Variants in CWC27 observed in about 807,000 individuals in gnomAD.
CWC27 encodes the protein CWC27 spliceosome associated cyclophilin.
Under a neutral mutation model 63.6 loss-of-function variants are expected in CWC27, and 47 were observed. The ratio of observed to expected loss-of-function variants is 0.74; its 90% CI spans 0.58 to 0.94. The LOEUF (loss-of-function observed/expected upper bound fraction) is 0.94. Among genes scored for constraint, CWC27 ranks in the 40% least tolerant of loss-of-function variants. The pLI, the probability that CWC27 is intolerant of heterozygous loss-of-function variation, is 0.00. For synonymous variants in CWC27, 175 were observed against 179.8 expected (o/e 0.97, Z 0.22); for missense variants, 495 against 554.3 (o/e 0.89, Z 1.07).
At chr5:64,899,162 A>G (rs1747447376) in intron 11 of CWC27, among the ~76,000 whole-genome samples, 1 of 152,308 alleles carries the variant, frequency 6.6e-6, no homozygotes, top group South Asian at 2.1e-4. Context: ...ATTCTGTTAT[A>G]TAATATGAAC....
chr5:64,981,699 A>G (rs929494714), intron 13 of CWC27, among the ~76,000 whole-genome samples: 5 of 152,262 alleles, frequency 3.3e-5, no homozygotes, highest in African/African-American at 1.2e-4. Context: ...GAATTAATTA[A>G]GAATCCTTAA....
chr5:64,912,073 C>CAA (rs1253684440), intron 11 of CWC27, among the ~76,000 whole-genome samples: 97 of 83,452 alleles, frequency 1.2e-3, no homozygotes, highest in African/African-American at 2.9e-3. Context: ...GACTCTGTCT[C>CAA]AAAAAAAAAA....
intron 13 of CWC27, among the ~76,000 whole-genome samples, chr5:64,995,215 G>A (rs780287469): frequency 1.3e-5 from 2 of 151,922 alleles, no homozygotes; most frequent in Non-Finnish European, 2.9e-5. Flanking sequence ...CGAGCGATCC[G>A]CCCACGTCAG....
chr5:64,923,983 T>C (rs1397923827), intron 11 of CWC27, among the ~76,000 whole-genome samples: 6 of 152,126 alleles, frequency 3.9e-5, no homozygotes, highest in African/African-American at 9.7e-5. Flanking sequence ...CCTACCCTTA[T>C]AGACAATCTT....
At chr5:64,876,437 A>C (rs1280291409) in intron 10 of CWC27, among the ~76,000 whole-genome samples, 1 of 152,112 alleles carries the variant, frequency 6.6e-6, no homozygotes, top group Admixed American at 6.5e-5. Context: ...ATGTTGGGAA[A>C]TAGCAGGCTT....
chr5:65,013,927 G>A (rs779164280), intron 13 of CWC27, among the ~76,000 whole-genome samples: 1 of 152,098 alleles, frequency 6.6e-6, no homozygotes, highest in Non-Finnish European at 1.5e-5. Flanking sequence ...TTGTGTGTCT[G>A]AGAATCAGTT....
intron 11 of CWC27, among the ~76,000 whole-genome samples, chr5:64,888,712 C>G (rs1747146588): frequency 2.0e-5 from 3 of 151,750 alleles, no homozygotes; most frequent in Admixed American, 1.3e-4. Flanking sequence ...ACTAGAAAGG[C>G]ACTATTAGAA....
At chr5:64,810,267 T>C (rs1029175780) in intron 10 of CWC27, among the ~76,000 whole-genome samples, 9 of 152,310 alleles carry the variant, frequency 5.9e-5, no homozygotes, top group Admixed American at 5.9e-4. Context: ...TCTGTTTTTA[T>C]GCAAATACCA....
chr5:64,940,860 TTTTTTTG>T (rs1748462743), intron 11 of CWC27, among the ~76,000 whole-genome samples: 1 of 144,254 alleles, frequency 6.9e-6, no homozygotes, highest in African/African-American at 2.6e-5. Flanking sequence ...TTTTTTTTTT[TTTTTTTG>T]AGACAGTCTT....
chr5:64,922,326 T>C (rs1209513735), intron 11 of CWC27, among the ~76,000 whole-genome samples: 2 of 152,108 alleles, frequency 1.3e-5, no homozygotes, highest in Admixed American at 6.5e-5. Flanking sequence ...GTTTTGTTCA[T>C]TTTTTACATT....
chr5:64,903,468 T>G lies in CWC27; in HGVS notation c.1042+17922T>G, dbSNP rs188404641. On this transcript the variant is annotated intron_variant, in intron 11 of 13. Coordinates refer to ENST00000381070, the MANE Select transcript of CWC27 (RefSeq NM_005869.4). ...ACATGTTCTCACTCATAAGTGGGAG[T>G]TGAACAATGAGAACACATGGACACA... is the stretch of plus-strand genomic sequence containing the variant. 1.3e-3 allele frequency among the ~76,000 whole-genome samples: 191 copies of G among 151,052 alleles called. 2 individuals carry two copies. The highest frequency in any genetic ancestry group is 4.3e-3 in the African/African-American group (178 of 41,068).
intron 11 of CWC27, among the ~76,000 whole-genome samples, chr5:64,942,760 A>G (rs1006471124): frequency 6.6e-6 from 1 of 152,196 alleles, no homozygotes; most frequent in Non-Finnish European, 1.5e-5. Context: ...GTTACTGTAG[A>G]CTAAATAATT....
intron 6 of CWC27, 75 bp downstream of exon 6, chr5:64,786,702 A>G: frequency 1.1e-6 from 1 of 878,256 alleles, no homozygotes. Flanking sequence ...ATTTCCTTTT[A>G]TAGTAATTGT....
chr5:64,801,445 T>C (rs1416295588), intron 9 of CWC27, 113 bp downstream of exon 9: 2 of 907,642 alleles, frequency 2.2e-6, no homozygotes, highest in Non-Finnish European at 3.0e-6. Context: ...TTTATAGTTA[T>C]ATATGTCAAA....
At chr5:64,955,516 G>A (rs1748788168) in intron 11 of CWC27, among the ~76,000 whole-genome samples, 1 of 152,062 alleles carries the variant, frequency 6.6e-6, no homozygotes, top group African/African-American at 2.4e-5. Context: ...ACAATTCACA[G>A]CATTACCACT....
chr5:64,851,477 T>C (rs1746132602), intron 10 of CWC27, among the ~76,000 whole-genome samples: 2 of 152,176 alleles, frequency 1.3e-5, no homozygotes, highest in Non-Finnish European at 2.9e-5. Flanking sequence ...TTAGTTCTAT[T>C]GCACAGCATC....
intron 11 of CWC27, among the ~76,000 whole-genome samples, chr5:64,916,145 T>G (rs1561155362): frequency 1.3e-5 from 2 of 152,234 alleles, no homozygotes; most frequent in African/African-American, 2.4e-5. Flanking sequence ...CGTTCAACAA[T>G]GAAATTACAT....
chr5:64,870,480 GT>G (rs34980069), intron 10 of CWC27, among the ~76,000 whole-genome samples: 22,372 of 107,234 alleles, frequency 0.21, 1,890 homozygotes, highest in South Asian at 0.43. Context: ...TCTTAAATTG[GT>G]TAAAAAAAAA....
chr5:64,857,189 A>G lies in CWC27; in HGVS notation c.939-28254A>G, dbSNP rs1203977206. On this transcript the variant is annotated intron_variant, in intron 10 of 13. Transcript: ENST00000381070. ...TTATTAGTTTAAATTTCAGTATTCA[A>G]TTTATTCATCACTGCCTAATAAAGA... Among the ~76,000 whole-genome samples the G allele has an allele frequency of 2.6e-5, 4 of 152,202 alleles. No individual in the cohort carries two copies. In the East Asian group the frequency reaches 7.7e-4, roughly 29 times the overall value.
Sources: gnomAD v4.1 joint callset for allele counts (sites outside exome capture counted in the v4.1 genomes callset) on GRCh38, gnomAD v4.1.1 for gene constraint, MANE v1.5 for transcripts, NCBI Gene and HGNC (gene_info 2026-07-23, HGNC 2026-07-21) for gene names.